The following MICAL3 variants were observed in gnomAD, a reference collection of about 807,000 sequenced individuals.
MICAL3 encodes the protein [F-actin]-monooxygenase MICAL3.
MICAL3 carries 62 observed loss-of-function variants against 207.4 expected under a neutral mutation model. The ratio of observed to expected loss-of-function variants is 0.30; its 90% CI spans 0.24 to 0.37. The LOEUF is 0.37. MICAL3 is among the 10% of genes least tolerant of loss of function. The pLI, the probability that MICAL3 is intolerant of heterozygous loss-of-function variation, is 1.00. For missense variants in MICAL3, 2,368 were observed against 2,635.6 expected, an observed-to-expected ratio of 0.90 and a Z score of 2.22; for synonymous variants, 1,077 against 1,069.3, an observed-to-expected ratio of 1.01 and a Z score of -0.14.
chr22:18,021,353 G>C (rs544752213), intron 1 of MICAL3, among the ~76,000 whole-genome samples: 2 of 152,386 alleles, frequency 1.3e-5, no homozygotes, highest in East Asian at 3.9e-4. Context: ...ATTTGGGCTG[G>C]AAGTAGCAGA....
intron 1 of MICAL3, among the ~76,000 whole-genome samples, chr22:17,934,405 CA>C (rs1393769207): frequency 6.6e-6 from 1 of 152,184 alleles, no homozygotes; most frequent in East Asian, 1.9e-4. Context: ...CAAAATGCAA[CA>C]GCCCTTCATG....
intron 29 of MICAL3, among the ~76,000 whole-genome samples, chr22:17,795,189 G>A (rs771289284): frequency 7.9e-5 from 12 of 152,224 alleles, no homozygotes; most frequent in Non-Finnish European, 1.5e-4. Flanking sequence ...AAGCACACAC[G>A]GCACAGCCGG....
chr22:17,980,408 T>C (rs1336899091), intron 1 of MICAL3, among the ~76,000 whole-genome samples: 2 of 152,200 alleles, frequency 1.3e-5, no homozygotes, highest in Non-Finnish European at 2.9e-5. Context: ...CTCCACAGCA[T>C]TTTGTTCAAA....
In MICAL3 at chr22:17,891,691, AATCCTCTTTGTAGGACACAT is replaced by A. The variant is rs1930403564; in HGVS notation, c.1547-79_1547-60del. 7 of 1,555,034 alleles carry A rather than the reference AATCCTCTTTGTAGGACACAT, an allele frequency of 4.5e-6. 1 individual carries two copies. The South Asian group carries it at 8.0e-5, about 18-fold the overall frequency. On this transcript the variant is annotated intron_variant, in intron 11 of 31. Coordinates refer to ENST00000441493, the MANE Select transcript of MICAL3 (RefSeq NM_015241.3). ...TGGTCACCTGGTAATGCTGACAGAG[AATCCTCTTTGTAGGACACAT>A]GTCCCCTTTGAAAAATTACTGAGGG... is the stretch of plus-strand genomic sequence containing the variant.
chr22:17,884,932 T>C (rs996089000), intron 16 of MICAL3, among the ~76,000 whole-genome samples: 3 of 152,328 alleles, frequency 2.0e-5, no homozygotes, highest in Admixed American at 6.5e-5. Context: ...GAAGAATGGC[T>C]GATGGGCATG....
At chr22:18,019,701 TAA>T in intron 1 of MICAL3, 1 of 159,160 alleles carries the variant, frequency 6.3e-6, no homozygotes. Context: ...TCTCAAAAAT[TAA>T]AAAAAAAGAA....
intron 22 of MICAL3, among the ~76,000 whole-genome samples, chr22:17,823,860 G>C (rs1921894009): frequency 6.6e-6 from 1 of 152,226 alleles, no homozygotes; most frequent in Non-Finnish European, 1.5e-5. Flanking sequence ...TTAGCGAGAA[G>C]TCTGAGGTCC....
intron 27 of MICAL3, chr22:17,813,798 G>C (rs1188071696): frequency 6.6e-6 from 1 of 152,200 alleles, no homozygotes; most frequent in Admixed American, 6.5e-5. Flanking sequence ...ATTCTGCTGT[G>C]AATCTGGATG....
chr22:17,889,093 G>A lies in MICAL3; in HGVS notation c.1832C>T (p.Ser611Phe). The change falls in exon 13 of 32, where the codon TCC (serine) becomes TTC (phenylalanine). Residue 611 changes from serine to phenylalanine, a missense_variant. Ser to Phe is a radical substitution (Grantham distance 155, BLOSUM62 -2). Around this residue, in one of 4 missense-constraint regions of MICAL3, gnomAD observed 1,770 missense variants for 1,863.2 expected, o/e 0.95. Transcript: ENST00000441493. Reference protein sequence around the residue: ...MASVGEPDKLSMVMYLTQFYE... With the variant: ...MASVGEPDKLFMVMYLTQFYE... ...GAACTGAGTCAGGTACATCACCATG[G>A]ACAGCTTATCAGGCTCCCCCACGGA... 1.9e-6 allele frequency: 3 copies of A among 1,613,780 alleles called. No homozygotes were observed. The highest frequency in any genetic ancestry group is 2.5e-6 in the Non-Finnish European group (3 of 1,179,726).
At position 17,868,423 on chromosome 22, in the gene MICAL3, G is replaced by A. The variant is rs542919074; in HGVS notation, c.2429-2411C>T. On this transcript the variant is annotated intron_variant, in intron 17 of 31. Transcript: ENST00000441493. ...TCATTTAATCCCCAAACAAGCTGGT[G>A]AGGCAGGTGCCATTAGTACCCACCT... Among the ~76,000 whole-genome samples, 12 of 152,220 alleles carry A rather than the reference G, an allele frequency of 7.9e-5. No individual in the cohort carries two copies. In the East Asian group the frequency reaches 2.3e-3, roughly 29 times the overall value.
In MICAL3 at chr22:17,893,656, C is replaced by T. The variant is rs549976080; in HGVS notation, c.1546+152G>A. ...ATGTCCCCAGACAACTACCAAGTAT[C>T]CCCTGGAGGGCAAAATCACCCTGGG... On this transcript the variant is annotated intron_variant, in intron 11 of 31. Coordinates refer to ENST00000441493, the MANE Select transcript of MICAL3 (RefSeq NM_015241.3). Among the ~76,000 whole-genome samples the T allele has an allele frequency of 5.3e-5, 8 of 152,304 alleles. No individual in the cohort carries two copies. In the South Asian group the frequency reaches 6.2e-4, roughly 12 times the overall value.
intron 20 of MICAL3, among the ~76,000 whole-genome samples, chr22:17,835,004 G>A (rs931475940): frequency 2.6e-5 from 4 of 152,190 alleles, no homozygotes; most frequent in Non-Finnish European, 4.4e-5. Context: ...GGGCAGGGCC[G>A]CACTGCAGTT....
chr22:17,976,582 TATATA>T lies in MICAL3; in HGVS notation c.-75+47694_-75+47698del, dbSNP rs1484488057. ...GTGTGTATATATATATATATATATA[TATATA>T]TATTTTTTTTTTTTTTTTTTGAGAC... On this transcript the variant is annotated intron_variant, in intron 1 of 31. Transcript: ENST00000441493. 3.4e-3 allele frequency among the ~76,000 whole-genome samples: 332 copies of T among 96,822 alleles called. 4 individuals carry two copies. Among genetic ancestry groups the T allele is most frequent in the African/African-American group, 0.015 (297 of 20,396 alleles). 63.5% of individuals were successfully genotyped at this position (96,822 alleles called of 152,430 possible).
Position 17,964,545 on chromosome 22 carries a change from CA to C in MICAL3, c.-74-57660del, listed in dbSNP as rs369274260. On this transcript the variant is annotated intron_variant, in intron 1 of 31. Coordinates refer to ENST00000441493, the MANE Select transcript of MICAL3 (RefSeq NM_015241.3). ...GTGGGGATGTCAGAGATTAGCTCCA[CA>C]GGACTTGGACCCTACGTGAAGATTA... Among the ~76,000 whole-genome samples, 770 of 152,342 alleles carry C rather than the reference CA, an allele frequency of 5.1e-3. 9 individuals are homozygous for C. Among genetic ancestry groups the C allele is most frequent in the African/African-American group, 0.017 (726 of 41,568 alleles).
intron 16 of MICAL3, among the ~76,000 whole-genome samples, chr22:17,877,744 G>C (rs1307057945): frequency 1.3e-5 from 2 of 152,048 alleles, no homozygotes; most frequent in Non-Finnish European, 2.9e-5. Context: ...ATTGCCTCCT[G>C]AGCTCAAAAA....
chr22:17,866,508 TC>T (rs924063738), intron 17 of MICAL3, among the ~76,000 whole-genome samples: 18 of 151,910 alleles, frequency 1.2e-4, no homozygotes, highest in African/African-American at 4.4e-4. Context: ...TCTCACCCCC[TC>T]CCAGTCCCCT....
In MICAL3 at chr22:17,790,359, C is replaced by A. The variant is rs745384376; in HGVS notation, c.*373G>T. 12 of 232,986 alleles carry A rather than the reference C, an allele frequency of 5.2e-5. No homozygotes were observed. The highest frequency in any genetic ancestry group is 9.3e-5 in the Non-Finnish European group (11 of 117,668). The allele number at this position is 232,986 out of a possible 1,614,324, so 14.4% of individuals were successfully genotyped here. ...GAAGAAGACAGTGCCCCTCGCACGG[C>A]GCACTGTGGTTCTGACGGGGAGCAG... is the stretch of plus-strand genomic sequence containing the variant. On this transcript the variant is annotated 3_prime_UTR_variant, in exon 32 of 32. Coordinates refer to ENST00000441493, the MANE Select transcript of MICAL3 (RefSeq NM_015241.3).
At chr22:17,998,282 G>A (rs1002537543) in intron 1 of MICAL3, among the ~76,000 whole-genome samples, 9 of 83,846 alleles carry the variant, frequency 1.1e-4, no homozygotes, top group South Asian at 3.0e-4. Flanking sequence ...GACTGGGCGC[G>A]ACAGAGCAAG....
intron 27 of MICAL3, among the ~76,000 whole-genome samples, chr22:17,816,369 G>A (rs777530929): frequency 2.0e-5 from 3 of 152,220 alleles, no homozygotes; most frequent in Admixed American, 6.5e-5. Context: ...GCTGCTCCCC[G>A]CGGGATCACC....
Sources: allele counts gnomAD v4.1 joint callset (sites outside exome capture counted in the v4.1 genomes callset), GRCh38; gene constraint gnomAD v4.1.1; regional missense constraint gnomAD v4.1.1; transcripts MANE v1.5; gene names NCBI Gene and HGNC (gene_info 2026-07-23, HGNC 2026-07-21).